Variants in LMBR1 observed in about 807,000 individuals in gnomAD.
The protein encoded by LMBR1 is limb region 1 protein homolog.
Under a neutral mutation model 73.9 loss-of-function variants are expected in LMBR1, and 52 were observed. The ratio of observed to expected loss-of-function variants is 0.70; its 90% CI spans 0.56 to 0.89. LMBR1 has a LOEUF of 0.89. Ranked by LOEUF, LMBR1 falls within the 40% of genes least tolerant of loss-of-function variation. The pLI is 0.00. For synonymous variants in LMBR1, 215 were observed against 209.4 expected, an observed-to-expected ratio of 1.03 and a Z score of -0.23; for missense variants, 539 against 579.8, an observed-to-expected ratio of 0.93 and a Z score of 0.72.
intron 9 of LMBR1, chr7:156,736,732 TAAC>T (rs1817945550): frequency 2.8e-6 from 1 of 356,760 alleles, no homozygotes; most frequent in Non-Finnish European, 5.6e-6. Context: ...TACATTATTA[TAAC>T]AACCAAAATG....
chr7:156,798,417 T>C (rs927463771), intron 4 of LMBR1, among the ~76,000 whole-genome samples: 1 of 152,174 alleles, frequency 6.6e-6, no homozygotes, highest in Non-Finnish European at 1.5e-5. Context: ...TGGCTCCTGG[T>C]TTTTGTTACT....
At chr7:156,843,352 A>G (rs540505168) in intron 1 of LMBR1, among the ~76,000 whole-genome samples, 1 of 152,264 alleles carries the variant, frequency 6.6e-6, no homozygotes, top group African/African-American at 2.4e-5. Context: ...ATACCAAAGT[A>G]GATTAGGAGA....
chr7:156,864,229 A>T (rs1417881224), intron 1 of LMBR1, among the ~76,000 whole-genome samples: 1 of 152,204 alleles, frequency 6.6e-6, no homozygotes, highest in Non-Finnish European at 1.5e-5. Flanking sequence ...TCTTCTAACC[A>T]AGTGCCTCCA....
chr7:156,865,632 A>G (rs1000271118), intron 1 of LMBR1, among the ~76,000 whole-genome samples: 1 of 152,174 alleles, frequency 6.6e-6, no homozygotes, highest in Non-Finnish European at 1.5e-5. Context: ...ACAACTGTGG[A>G]AAAAAAGAGC....
intron 2 of LMBR1, among the ~76,000 whole-genome samples, chr7:156,835,758 C>T (rs1161834395): frequency 6.6e-6 from 1 of 151,640 alleles, no homozygotes; most frequent in Non-Finnish European, 1.5e-5. Flanking sequence ...ATTCATTTCA[C>T]TTCTATTCCC....
intron 15 of LMBR1, among the ~76,000 whole-genome samples, chr7:156,722,092 T>A (rs950857956): frequency 1.3e-5 from 2 of 152,116 alleles, no homozygotes; most frequent in African/African-American, 4.8e-5. Context: ...ACTGTTGAAA[T>A]AATAGAGAAA....
At chr7:156,887,514 A>C (rs1455147963) in intron 1 of LMBR1, among the ~76,000 whole-genome samples, 1 of 151,924 alleles carries the variant, frequency 6.6e-6, no homozygotes, top group East Asian at 1.9e-4. Context: ...CAAAAAAATT[A>C]ATTCAAAATG....
At chr7:156,837,509 G>C (rs1044581240) in intron 1 of LMBR1, among the ~76,000 whole-genome samples, 3 of 150,308 alleles carry the variant, frequency 2.0e-5, no homozygotes, top group African/African-American at 7.3e-5. Flanking sequence ...CATCACCACT[G>C]ACAACTCTGA....
At chr7:156,729,773 C>T (rs568169894) in intron 10 of LMBR1, among the ~76,000 whole-genome samples, 23 of 152,146 alleles carry the variant, frequency 1.5e-4, no homozygotes, top group Non-Finnish European at 2.9e-4. Context: ...GCGCCCAGCC[C>T]CCTTCTATTT....
intron 10 of LMBR1, among the ~76,000 whole-genome samples, chr7:156,729,608 G>T (rs188118324): frequency 1.3e-5 from 2 of 151,846 alleles, no homozygotes; most frequent in African/African-American, 2.4e-5. Context: ...CAAGTAGCTG[G>T]GACTACAGGC....
chr7:156,764,614 A>T (rs914279124), intron 5 of LMBR1, among the ~76,000 whole-genome samples: 10 of 152,240 alleles, frequency 6.6e-5, no homozygotes, highest in Non-Finnish European at 1.5e-4. Flanking sequence ...CAATTATCTA[A>T]CACAACCAAC....
intron 5 of LMBR1, among the ~76,000 whole-genome samples, chr7:156,769,420 G>C (rs562497350): frequency 6.6e-6 from 1 of 152,188 alleles, no homozygotes; most frequent in African/African-American, 2.4e-5. Context: ...TAATTACCAG[G>C]GGCCCTTCCT....
At chr7:156,695,411 A>T (rs1808076236) in intron 15 of LMBR1, among the ~76,000 whole-genome samples, 1 of 152,186 alleles carries the variant, frequency 6.6e-6, no homozygotes, top group Admixed American at 6.5e-5. Context: ...TCATGATTCC[A>T]TGGGCTGTAG....
intron 9 of LMBR1, among the ~76,000 whole-genome samples, chr7:156,744,100 A>T (rs1169129779): frequency 6.6e-6 from 1 of 152,148 alleles, no homozygotes; most frequent in East Asian, 1.9e-4. Context: ...ACAGGGTCTC[A>T]CTTTATATTA....
Position 156,681,026 on chromosome 7 carries a change from G to C in LMBR1, c.*3052C>G, listed in dbSNP as rs1415189213. ...GTGTGTCCAAATGTTATTTTTAAAA[G>C]TTAACATTATACCAGTTTTTTCAAG... On this transcript the variant is annotated 3_prime_UTR_variant, in exon 17 of 17. Coordinates refer to ENST00000353442, the MANE Select transcript of LMBR1 (RefSeq NM_022458.4). 2.7e-6 allele frequency: 1 copy of C among 372,576 alleles called. No homozygotes were observed. Among genetic ancestry groups the C allele is most frequent in the Non-Finnish European group, 5.0e-6 (1 of 198,380 alleles). 23.1% of individuals were successfully genotyped at this position (372,576 alleles called of 1,614,324 possible).
At chr7:156,806,218 T>C (rs140547785) in intron 4 of LMBR1, among the ~76,000 whole-genome samples, 81 of 152,312 alleles carry the variant, frequency 5.3e-4, no homozygotes, top group African/African-American at 1.8e-3. Flanking sequence ...TCCCTAAGTA[T>C]TTCGTATTTT....
intron 1 of LMBR1, among the ~76,000 whole-genome samples, chr7:156,883,411 G>A (rs929692897): frequency 1.3e-5 from 2 of 151,820 alleles, no homozygotes; most frequent in South Asian, 2.1e-4. Context: ...AAAAAAAAAA[G>A]GAGGACAGAA....
chr7:156,822,277 T>C (rs1834907217), intron 4 of LMBR1: 1 of 152,262 alleles, frequency 6.6e-6, no homozygotes, highest in Admixed American at 6.5e-5. Context: ...AGGTACTTTA[T>C]ACTATACATA....
At chr7:156,799,788 G>A (rs1830633721) in intron 4 of LMBR1, among the ~76,000 whole-genome samples, 1 of 152,152 alleles carries the variant, frequency 6.6e-6, no homozygotes, top group South Asian at 2.1e-4. Flanking sequence ...GAATGCAAAG[G>A]AAAAGTTCCT....
Sources: allele counts gnomAD v4.1 joint callset (sites outside exome capture counted in the v4.1 genomes callset), GRCh38; gene constraint gnomAD v4.1.1; transcripts MANE v1.5; gene names NCBI Gene and HGNC (gene_info 2026-07-23, HGNC 2026-07-21).